ALK: variants seen among roughly 807,000 people sequenced by gnomAD.
The protein encoded by ALK is ALK receptor tyrosine kinase.
ALK carries 74 observed loss-of-function variants against 163.1 expected under a neutral mutation model. The observed-to-expected ratio is 0.45, with a 90% CI of 0.38 to 0.55. The LOEUF (loss-of-function observed/expected upper bound fraction) is 0.55. Ranked by LOEUF, ALK falls within the 20% of genes least tolerant of loss-of-function variation. The probability of loss-of-function intolerance (pLI) is 0.00; values close to 1 mark genes in which losing one functional copy is unlikely to be tolerated. For synonymous variants in ALK, 960 were observed against 843.2 expected, an observed-to-expected ratio of 1.14 and a Z score of -2.40; for missense variants, 2,063 against 2,105.3, an observed-to-expected ratio of 0.98 and a Z score of 0.39.
intron 1 of ALK, among the ~76,000 whole-genome samples, chr2:29,782,784 C>T (rs1195678281): frequency 1.3e-5 from 2 of 152,216 alleles, no homozygotes; most frequent in African/African-American, 4.8e-5. Flanking sequence ...TCCCCAGAGC[C>T]AGCCTTCTGT....
In ALK at chr2:29,193,211, T is replaced by G. The variant is rs912173028; in HGVS notation, c.*13A>C. On this transcript the variant is annotated 3_prime_UTR_variant, in exon 29 of 29. Coordinates refer to ENST00000389048, the MANE Select transcript of ALK (RefSeq NM_004304.5). ...AGGGATCCCAAGGAAGAGAAGTGAG[T>G]GTGCGACCGAGCTCAGGGCCCAGGC... 8.1e-6 allele frequency: 13 copies of G among 1,613,016 alleles called. No homozygotes were observed. Among genetic ancestry groups the G allele is most frequent in the Middle Eastern group, 1.8e-4 (1 of 5,686 alleles).
At chr2:29,585,893 G>A (rs189841734) in intron 3 of ALK, among the ~76,000 whole-genome samples, 83 of 151,632 alleles carry the variant, frequency 5.5e-4, no homozygotes, top group Non-Finnish European at 8.8e-4. Flanking sequence ...ATCTTAATAC[G>A]TATCCTAAGA....
chr2:29,315,976 G>T (rs1408648547), intron 8 of ALK, among the ~76,000 whole-genome samples: 1 of 152,060 alleles, frequency 6.6e-6, no homozygotes, highest in East Asian at 1.9e-4. Flanking sequence ...TCTGCACTCG[G>T]GCCCCATAGG....
chr2:29,218,151 G>A (rs992151516), intron 23 of ALK, among the ~76,000 whole-genome samples: 5 of 152,222 alleles, frequency 3.3e-5, no homozygotes, highest in Non-Finnish European at 5.9e-5. Flanking sequence ...AAGGATCCCA[G>A]GAAGGACAGC....
At chr2:29,685,110 T>C (rs1033755832) in intron 3 of ALK, among the ~76,000 whole-genome samples, 1 of 152,192 alleles carries the variant, frequency 6.6e-6, no homozygotes, top group African/African-American at 2.4e-5. Flanking sequence ...AGAAGCACTT[T>C]ACAGTCTGCA....
At chr2:29,904,399 A>ACAAT (rs1412514921) in intron 1 of ALK, among the ~76,000 whole-genome samples, 6 of 152,160 alleles carry the variant, frequency 3.9e-5, no homozygotes, top group African/African-American at 1.4e-4. Flanking sequence ...TCATTTATTT[A>ACAAT]GTTATATTTT....
intron 1 of ALK, among the ~76,000 whole-genome samples, chr2:29,811,638 C>T (rs139261581): frequency 2.4e-4 from 36 of 152,294 alleles, no homozygotes; most frequent in African/African-American, 8.4e-4. Context: ...AAAGGCATGA[C>T]TCTAAAGCAC....
intron 4 of ALK, among the ~76,000 whole-genome samples, chr2:29,492,288 A>G (rs1671920405): frequency 6.6e-6 from 1 of 152,128 alleles, no homozygotes; most frequent in African/African-American, 2.4e-5. Flanking sequence ...CAACATTGTC[A>G]TCAATGTTAC....
intron 23 of ALK, among the ~76,000 whole-genome samples, chr2:29,215,900 G>A (rs1189379576): frequency 1.3e-5 from 2 of 152,166 alleles, no homozygotes; most frequent in Non-Finnish European, 2.9e-5. Flanking sequence ...GGGACTGTCG[G>A]TCTCCCTGGG....
intron 4 of ALK, among the ~76,000 whole-genome samples, chr2:29,477,302 A>C (rs1339572819): frequency 6.6e-6 from 1 of 152,150 alleles, no homozygotes; most frequent in African/African-American, 2.4e-5. Context: ...TTTGCTATAT[A>C]CCAGCTGTGT....
chr2:29,301,962 A>G (rs1174511349), intron 8 of ALK, among the ~76,000 whole-genome samples: 1 of 151,914 alleles, frequency 6.6e-6, no homozygotes, highest in Admixed American at 6.6e-5. Context: ...CTGCACTCCT[A>G]CTCTTTGCTG....
intron 1 of ALK, among the ~76,000 whole-genome samples, chr2:29,870,435 C>T (rs1394195767): frequency 2.0e-5 from 3 of 152,062 alleles, no homozygotes; most frequent in African/African-American, 7.2e-5. Context: ...ATCATGAGAA[C>T]AGCAAGGGGG....
chr2:29,595,386 T>C (rs1474130601), intron 3 of ALK, among the ~76,000 whole-genome samples: 1 of 149,762 alleles, frequency 6.7e-6, no homozygotes, highest in East Asian at 2.0e-4. Context: ...AGCTGCACGA[T>C]CTCGGCTCAC....
chr2:29,278,276 G>A (rs897947829), intron 9 of ALK, among the ~76,000 whole-genome samples: 1 of 152,114 alleles, frequency 6.6e-6, no homozygotes, highest in Admixed American at 6.5e-5. Context: ...AGGTAAAGAT[G>A]GTGTGGACCT....
chr2:29,831,470 T>A (rs1039160937), intron 1 of ALK, among the ~76,000 whole-genome samples: 1 of 152,054 alleles, frequency 6.6e-6, no homozygotes, highest in Admixed American at 6.6e-5. Context: ...GACTCCTCTA[T>A]ACGCTAAATT....
Position 29,675,036 on chromosome 2 carries a change from T to C in ALK, c.952+19814A>G, listed in dbSNP as rs568280249. 1.6e-3 allele frequency among the ~76,000 whole-genome samples: 239 copies of C among 151,964 alleles called. 1 individual carries two copies. The highest frequency in any genetic ancestry group is 2.6e-3 in the Non-Finnish European group (179 of 67,942). On this transcript the variant is annotated intron_variant, in intron 3 of 28. Transcript: ENST00000389048. Reference sequence around the variant, plus strand: ...GGTGGTGATATCCCCTTTATCATTTTTTATTGCGTCTATTTGATTCTTCTC... The same window carrying C: ...GGTGGTGATATCCCCTTTATCATTTCTTATTGCGTCTATTTGATTCTTCTC...
chr2:29,564,965 G>A (rs1187489286), intron 3 of ALK, among the ~76,000 whole-genome samples: 2 of 152,154 alleles, frequency 1.3e-5, no homozygotes, highest in Non-Finnish European at 2.9e-5. Flanking sequence ...TACCCTTAGG[G>A]GTAACAGCAC....
intron 3 of ALK, among the ~76,000 whole-genome samples, chr2:29,663,531 A>G (rs1484541580): frequency 6.6e-6 from 1 of 152,136 alleles, no homozygotes; most frequent in Non-Finnish European, 1.5e-5. Context: ...TCCTTAAGCA[A>G]TTTCCCTCTA....
intron 1 of ALK, among the ~76,000 whole-genome samples, chr2:29,787,030 C>T (rs1343783808): frequency 2.0e-5 from 3 of 152,140 alleles, no homozygotes; most frequent in East Asian, 1.9e-4. Context: ...CTCCTGACCT[C>T]GTGATCTGCC....
Sources: gnomAD v4.1 joint callset for allele counts (sites outside exome capture counted in the v4.1 genomes callset) on GRCh38, gnomAD v4.1.1 for gene constraint, MANE v1.5 for transcripts, NCBI Gene and HGNC (gene_info 2026-07-23, HGNC 2026-07-21) for gene names.